Variants in AFF3 observed in about 807,000 individuals in gnomAD.
AFF3 encodes the protein AF4/FMR2 family member 3.
Under a neutral mutation model 129.7 loss-of-function variants are expected in AFF3, and 32 were observed. That is an observed-to-expected ratio of 0.25 (90% CI 0.19 to 0.33). The LOEUF is 0.33. Among genes scored for constraint, AFF3 ranks in the 10% least tolerant of loss-of-function variants. The pLI, the probability that AFF3 is intolerant of heterozygous loss-of-function variation, is 1.00. For synonymous variants in AFF3, 644 were observed against 635.4 expected, an observed-to-expected ratio of 1.01 and a Z score of -0.20; for missense variants, 1,373 against 1,592.0, an observed-to-expected ratio of 0.86 and a Z score of 2.34.
At chr2:99,903,224 G>A (rs1373052792) in intron 7 of AFF3, among the ~76,000 whole-genome samples, 2 of 152,070 alleles carry the variant, frequency 1.3e-5, no homozygotes, top group East Asian at 1.9e-4. Context: ...ATTATGACAC[G>A]TAATAGATTG....
rs536200367 is a variant in AFF3 at position 99,918,854 on chromosome 2, T to C, written c.874-81330A>G. Reference sequence around the variant, plus strand: ...CCAACAAAATTCAGTAGAAAAACTTTTGCATGAAGACCAAACTTGGGTATC... The same window carrying C: ...CCAACAAAATTCAGTAGAAAAACTTCTGCATGAAGACCAAACTTGGGTATC... On this transcript the variant is annotated intron_variant, in intron 7 of 24. Coordinates refer to ENST00000672756, the MANE Select transcript of AFF3 (RefSeq NM_001386135.1). Among the ~76,000 whole-genome samples the C allele has an allele frequency of 4.6e-5, 7 of 152,312 alleles. No homozygotes were observed. In the South Asian group the frequency reaches 6.2e-4, roughly 14 times the overall value.
At chr2:99,728,776 A>G (rs2105012370) in intron 10 of AFF3, among the ~76,000 whole-genome samples, 1 of 152,304 alleles carries the variant, frequency 6.6e-6, no homozygotes, top group East Asian at 1.9e-4. Context: ...ATATAAAACC[A>G]TGTTGGAATA....
At chr2:99,731,116 C>T (rs548290853) in intron 10 of AFF3, among the ~76,000 whole-genome samples, 1 of 151,994 alleles carries the variant, frequency 6.6e-6, no homozygotes, top group Non-Finnish European at 1.5e-5. Flanking sequence ...TGCCAAAACA[C>T]CTGGCTAATT....
intron 7 of AFF3, among the ~76,000 whole-genome samples, chr2:99,844,380 C>T (rs1334107897): frequency 6.6e-6 from 1 of 151,504 alleles, no homozygotes; most frequent in Non-Finnish European, 1.5e-5. Context: ...AACCCTGTAA[C>T]CAATGCGTAA....
intron 7 of AFF3, among the ~76,000 whole-genome samples, chr2:99,906,988 T>A (rs922186671): frequency 6.6e-6 from 1 of 152,140 alleles, no homozygotes; most frequent in African/African-American, 2.4e-5. Context: ...GTGCTAATAC[T>A]ATGCCAGGCA....
intron 8 of AFF3, among the ~76,000 whole-genome samples, chr2:99,754,543 G>C (rs1681928732): frequency 6.6e-6 from 1 of 152,086 alleles, no homozygotes; most frequent in South Asian, 2.1e-4. Flanking sequence ...AATCCAAAAA[G>C]ATAAACTATT....
chr2:100,007,354 CCAA>C lies in AFF3; in HGVS notation c.278_280del (p.Val93del). ...CTGAGGAACCCCAGGTTTGGGAACT[CCAA>C]CGAGATGACTCTGATTGGATCTATC... On this transcript the variant is annotated inframe_deletion, in exon 6 of 25. Coordinates refer to ENST00000672756, the MANE Select transcript of AFF3 (RefSeq NM_001386135.1). 1 of 1,614,154 alleles carries C rather than the reference CCAA, an allele frequency of 6.2e-7. No homozygotes were observed. Among genetic ancestry groups the C allele is most frequent in the Non-Finnish European group, 8.5e-7 (1 of 1,180,016 alleles).
rs111628666 is a variant in AFF3 at position 100,023,237 on chromosome 2, T to C, written c.54-14305A>G. Among the ~76,000 whole-genome samples the C allele has an allele frequency of 3.1e-3, 475 of 152,292 alleles. 1 individual carries two copies. Among genetic ancestry groups the C allele is most frequent in the African/African-American group, 0.011 (447 of 41,558 alleles). On this transcript the variant is annotated intron_variant, in intron 4 of 24. Coordinates refer to ENST00000672756, the MANE Select transcript of AFF3 (RefSeq NM_001386135.1). ...CAGTAAGGATAAACAATACGTGAGA[T>C]TTGCCTGGTCTTCCAGGACAGTTAA... is the stretch of plus-strand genomic sequence containing the variant.
At chr2:100,104,636 G>A in intron 3 of AFF3, 118 bp from the exon 4 acceptor site, 2 of 915,098 alleles carry the variant, frequency 2.2e-6, no homozygotes, top group Non-Finnish European at 2.6e-6. Flanking sequence ...CTCCGGGCCG[G>A]CCGGGCTGGC....
intron 7 of AFF3, among the ~76,000 whole-genome samples, chr2:99,985,997 G>A (rs1213609874): frequency 1.3e-5 from 2 of 151,924 alleles, no homozygotes; most frequent in Non-Finnish European, 2.9e-5. Context: ...TCAGGAGACC[G>A]AGACCATCCT....
chr2:99,933,415 C>T (rs917287031), intron 7 of AFF3, among the ~76,000 whole-genome samples: 5 of 152,082 alleles, frequency 3.3e-5, no homozygotes, highest in Admixed American at 2.6e-4. Flanking sequence ...TGGTTTGCTG[C>T]ACCCACCAAC....
chr2:99,891,488 A>G (rs1693546968), intron 7 of AFF3, among the ~76,000 whole-genome samples: 1 of 152,220 alleles, frequency 6.6e-6, no homozygotes, highest in Non-Finnish European at 1.5e-5. Context: ...CACAGCCTCC[A>G]GCAGAGGCAG....
At chr2:99,736,333 G>A (rs1680253951) in intron 10 of AFF3, among the ~76,000 whole-genome samples, 1 of 152,168 alleles carries the variant, frequency 6.6e-6, no homozygotes, top group African/African-American at 2.4e-5. Flanking sequence ...ATGGTAAGTT[G>A]TATCTTTCCT....
chr2:100,122,081 A>G (rs990952465), intron 2 of AFF3, among the ~76,000 whole-genome samples: 7 of 152,252 alleles, frequency 4.6e-5, no homozygotes, highest in South Asian at 2.1e-4. Context: ...AAAAATAAAT[A>G]AATAAATAAA....
intron 4 of AFF3, among the ~76,000 whole-genome samples, chr2:100,084,205 C>A (rs1235839929): frequency 6.6e-6 from 1 of 152,194 alleles, no homozygotes; most frequent in Admixed American, 6.5e-5. Context: ...AAACACTCGG[C>A]GACCACATGC....
At chr2:99,850,825 A>C (rs977477653) in intron 7 of AFF3, among the ~76,000 whole-genome samples, 6 of 152,240 alleles carry the variant, frequency 3.9e-5, no homozygotes, top group African/African-American at 1.2e-4. Flanking sequence ...TACCAATCTA[A>C]AATTATGAAA....
intron 12 of AFF3, among the ~76,000 whole-genome samples, chr2:99,650,341 C>T (rs1354481229): frequency 6.6e-6 from 1 of 151,976 alleles, no homozygotes; most frequent in Admixed American, 6.6e-5. Context: ...GGTGGATCAC[C>T]TGAGGTCAGG....
In AFF3 at chr2:99,939,199, C is replaced by CT. The variant is rs1380665562; in HGVS notation, c.873+67432dup. On this transcript the variant is annotated intron_variant, in intron 7 of 24. Transcript: ENST00000672756. ...ACAAACAAGATTTCTGCTTGATCAA[C>CT]TTTTTCTGCGTGGCCCTGGAAGGAC... 3.9e-5 allele frequency among the ~76,000 whole-genome samples: 6 copies of CT among 152,328 alleles called. No homozygotes were observed. The South Asian group carries it at 1.2e-3, about 32-fold the overall frequency.
intron 19 of AFF3, among the ~76,000 whole-genome samples, chr2:99,566,252 G>GT (rs61010874): frequency 0.035 from 4,836 of 137,974 alleles, 239 homozygotes; most frequent in African/African-American, 0.12. Context: ...GGCCTCAATT[G>GT]TTTTTTTTTT....
Sources: gnomAD v4.1 joint callset for allele counts (sites outside exome capture counted in the v4.1 genomes callset) on GRCh38, gnomAD v4.1.1 for gene constraint, MANE v1.5 for transcripts, NCBI Gene and HGNC (gene_info 2026-07-23, HGNC 2026-07-21) for gene names.